Variants in TRAPPC4 observed in about 807,000 individuals in gnomAD.
The protein encoded by TRAPPC4 is trafficking protein particle complex subunit 4, also known as TRS23 homolog.
A neutral mutation model predicts 23.5 loss-of-function variants in TRAPPC4; 30 were observed. The observed-to-expected ratio is 1.28, with a 90% confidence interval of 0.96 to 1.73. The LOEUF (loss-of-function observed/expected upper bound fraction) is 1.73, where lower values mean the gene tolerates loss of function less well. Ranked by LOEUF, TRAPPC4 falls within the 40% of genes most tolerant of loss-of-function variation. TRAPPC4 has a pLI of 0.00. For missense variants in TRAPPC4, 252 were observed against 268.9 expected (o/e 0.94, Z 0.44); for synonymous variants, 129 against 105.3 (o/e 1.23, Z -1.38).
intron 4 of TRAPPC4, among the ~76,000 whole-genome samples, chr11:119,022,657 A>AGGC (rs1468790851): frequency 1.3e-5 from 2 of 152,084 alleles, no homozygotes; most frequent in African/African-American, 4.8e-5. Context: ...TGGGAGGCTG[A>AGGC]GGCGGGCGGA....
In TRAPPC4 at chr11:119,018,937, T is replaced by C; in HGVS notation, c.142T>C (p.Leu48=). Residue 48 remains leucine (L), a synonymous_variant, in exon 1 of 5, where the codon TTG becomes CTG. Coordinates refer to ENST00000533632, the MANE Select transcript of TRAPPC4 (RefSeq NM_016146.6). Reference sequence around the variant, plus strand: ...GCTCAAGCTACACGATGAGCGTGTGTTGGTTGCTTTCGGCCAGCGGGACGG... The same window carrying C: ...GCTCAAGCTACACGATGAGCGTGTGCTGGTTGCTTTCGGCCAGCGGGACGG... ...LLLKLHDERV[L]VAFGQRDGIR... 8 of 1,613,370 alleles carry C rather than the reference T, an allele frequency of 5.0e-6. No homozygotes were observed. The highest frequency in any genetic ancestry group is 6.8e-6 in the Non-Finnish European group (8 of 1,179,990).
In TRAPPC4 at chr11:119,023,419, C is replaced by T. The variant is rs11290; in HGVS notation, c.*20C>T. On this transcript the variant is annotated 3_prime_UTR_variant, in exon 5 of 5. Transcript: ENST00000533632. Reference sequence around the variant, plus strand: ...TCATAGGCTGAACCTGTTATGGACCCCCAAATTCTGAGAGTTCCTGCAACA... The same window carrying T: ...TCATAGGCTGAACCTGTTATGGACCTCCAAATTCTGAGAGTTCCTGCAACA... The T allele has an allele frequency of 6.2e-7, 1 of 1,612,312 alleles. No individual in the cohort carries two copies. Among genetic ancestry groups the T allele is most frequent in the Non-Finnish European group, 8.5e-7 (1 of 1,178,560 alleles).
Position 119,020,256 on chromosome 11 carries a change from A to T in TRAPPC4, c.454+3A>T, listed in dbSNP as rs375776811. 2.5e-6 allele frequency: 4 copies of T among 1,609,704 alleles called. No homozygotes were observed. The highest frequency in any genetic ancestry group is 1.7e-5 in the Admixed American group (1 of 59,990). Reference sequence around the variant, plus strand: ...GCACTGCTACCAGACACTGACAGGTATGCATCTCCACGGAGGCCAGAGGAG... The same window carrying T: ...GCACTGCTACCAGACACTGACAGGTTTGCATCTCCACGGAGGCCAGAGGAG... On this transcript the variant is annotated splice_donor_region_variant and intron_variant, in intron 3 of 4. Coordinates refer to ENST00000533632, the MANE Select transcript of TRAPPC4 (RefSeq NM_016146.6).
chr11:119,021,502 C>G (rs1431289404), intron 3 of TRAPPC4: 1 of 327,208 alleles, frequency 3.1e-6, no homozygotes, highest in African/African-American at 2.1e-5. Context: ...TGAGGGACTC[C>G]AAAACTGTTA....
chr11:119,020,004 A>C (rs1943302004), intron 2 of TRAPPC4, 146 bp from the exon 3 acceptor site: 2 of 542,982 alleles, frequency 3.7e-6, no homozygotes, highest in East Asian at 5.9e-5. Flanking sequence ...TGAACTTAGA[A>C]ATTTTGACAC....
chr11:119,020,336 C>T lies in TRAPPC4; in HGVS notation c.454+83C>T. 2.6e-6 allele frequency: 3 copies of T among 1,156,962 alleles called. No individual in the cohort carries two copies. In the South Asian group the frequency reaches 3.8e-5, roughly 15 times the overall value. 71.7% of individuals were successfully genotyped at this position (1,156,962 alleles called of 1,614,324 possible). A position where few individuals can be genotyped will look rare whatever the true frequency, so the allele number is the denominator to read the frequency against. ...GATAAGTTTGCATCTCCAGGTGGGCCAGAGGAGTGTGGTGGAGAAGGTGGG... is the reference window on the plus strand; with the variant it reads ...GATAAGTTTGCATCTCCAGGTGGGCTAGAGGAGTGTGGTGGAGAAGGTGGG... On this transcript the variant is annotated intron_variant, in intron 3 of 4. Transcript: ENST00000533632.
Position 119,020,181 on chromosome 11 carries a change from G to C in TRAPPC4, c.382G>C (p.Glu128Gln). The C allele has an allele frequency of 6.2e-7, 1 of 1,613,946 alleles. No individual in the cohort carries two copies. The highest frequency in any genetic ancestry group is 8.5e-7 in the Non-Finnish European group (1 of 1,179,986). ...LFAIGSQLSP[E>Q]QGSSGIEMLE... ...TGCCATCGGCTCCCAGCTGTCTCCTGAACAGGGAAGCTCAGGCATTGAGAT... is the reference window on the plus strand; with the variant it reads ...TGCCATCGGCTCCCAGCTGTCTCCTCAACAGGGAAGCTCAGGCATTGAGAT... The change falls in exon 3 of 5, where the codon GAA becomes CAA. Residue 128 changes from glutamate (E) to glutamine (Q), a missense_variant. Glu to Gln is a conservative substitution (Grantham distance 29, BLOSUM62 2). Coordinates refer to ENST00000533632, the MANE Select transcript of TRAPPC4 (RefSeq NM_016146.6).
At chr11:119,019,382 C>T in intron 2 of TRAPPC4, 65 bp downstream of exon 2, 3 of 1,533,942 alleles carry the variant, frequency 2.0e-6, no homozygotes, top group African/African-American at 1.4e-5. Context: ...AATCGTCGTT[C>T]TGGTGTTATG....
rs1409059755 is a variant in TRAPPC4, at chr11:119,018,906, T to TCAG, written c.112_113insAGC (p.Asp37_Leu38insGln). ...AGAAAACTTTCAGTTATCCGCTGGA[T>TCAG]CTGCTGCTCAAGCTACACGATGAGC... On this transcript the variant is annotated inframe_insertion, in exon 1 of 5. Transcript: ENST00000533632. 6.2e-7 allele frequency: 1 copy of TCAG among 1,614,026 alleles called. No homozygotes were observed. The highest frequency in any genetic ancestry group is 1.7e-5 in the Admixed American group (1 of 60,024).
chr11:119,020,128 A>G (rs376657409), intron 2 of TRAPPC4, 22 bp from the exon 3 acceptor site: 28 of 1,595,738 alleles, frequency 1.8e-5, no homozygotes, highest in Non-Finnish European at 2.2e-5. Context: ...CCTTAGAGCA[A>G]CTTTGCCTCC....
chr11:119,023,434 T>A lies in TRAPPC4; in HGVS notation c.*35T>A. 1 of 1,600,736 alleles carries A rather than the reference T, an allele frequency of 6.2e-7. No individual in the cohort carries two copies. The highest frequency in any genetic ancestry group is 1.1e-5 in the South Asian group (1 of 90,796). ...GTTATGGACCCCCAAATTCTGAGAG[T>A]TCCTGCAACAAGAATACTGCTGTTG... On this transcript the variant is annotated 3_prime_UTR_variant, in exon 5 of 5. Transcript: ENST00000533632.
chr11:119,020,247 C>G lies in TRAPPC4; in HGVS notation c.448C>G (p.Leu150Val). Reference sequence around the variant, plus strand: ...ATTCAAATTGCACTGCTACCAGACACTGACAGGTATGCATCTCCACGGAGG... The same window carrying G: ...ATTCAAATTGCACTGCTACCAGACAGTGACAGGTATGCATCTCCACGGAGG... The part of the protein sequence containing the change: ...DTFKLHCYQT[L>V]TGIKFVVLAD... Residue 150 changes from leucine (L) to valine (V), a missense_variant, in exon 3 of 5, where the codon CTG becomes GTG. Around this residue, in one of 3 missense-constraint regions of TRAPPC4, gnomAD observed 222 missense variants for 217.8 expected, o/e 1.02. Coordinates refer to ENST00000533632, the MANE Select transcript of TRAPPC4 (RefSeq NM_016146.6). 6.2e-7 allele frequency: 1 copy of G among 1,610,940 alleles called. No individual in the cohort carries two copies. Among genetic ancestry groups the G allele is most frequent in the South Asian group, 1.1e-5 (1 of 91,022 alleles).
chr11:119,020,395 C>A, intron 3 of TRAPPC4, 142 bp downstream of exon 3: 1 of 616,176 alleles, frequency 1.6e-6, no homozygotes, highest in Non-Finnish European at 2.9e-6. Context: ...CTTTGGTAAG[C>A]AAGAAGAGGG....
intron 4 of TRAPPC4, 121 bp downstream of exon 4, chr11:119,022,007 G>A (rs557270772): frequency 1.5e-5 from 19 of 1,299,622 alleles, no homozygotes; most frequent in Middle Eastern, 1.9e-4. Context: ...TTTTTGAGAC[G>A]GAGTTTCGCT....
chr11:119,019,549 C>G (rs1442807473), intron 2 of TRAPPC4: 14 of 494,474 alleles, frequency 2.8e-5, no homozygotes, highest in Non-Finnish European at 4.3e-5. Context: ...TCAAGCGATT[C>G]TCCTGCCTCA....
chr11:119,019,062 A>T, intron 1 of TRAPPC4, 81 bp from the exon 2 acceptor site: 1 of 1,590,646 alleles, frequency 6.3e-7, no homozygotes, highest in Non-Finnish European at 8.6e-7. Flanking sequence ...GTTGGGGGAA[A>T]AGGGGTTGTG....
At position 119,023,408 on chromosome 11, in the gene TRAPPC4, T is replaced by C; in HGVS notation, c.*9T>C. On this transcript the variant is annotated 3_prime_UTR_variant, in exon 5 of 5. Transcript: ENST00000533632. ...TTGGACCTGGGTCATAGGCTGAACC[T>C]GTTATGGACCCCCAAATTCTGAGAG... The C allele has an allele frequency of 6.2e-7, 1 of 1,613,546 alleles. No homozygotes were observed. The highest frequency in any genetic ancestry group is 8.5e-7 in the Non-Finnish European group (1 of 1,179,512).
At position 119,023,531 on chromosome 11, in the gene TRAPPC4, G is replaced by A; in HGVS notation, c.*132G>A. ...GGGAGAATGCTGACCCTGATGACTT[G>A]TACTGATTCCTGAGCCTTAACACTG... On this transcript the variant is annotated 3_prime_UTR_variant, in exon 5 of 5. Transcript: ENST00000533632. The A allele has an allele frequency of 1.3e-6, 1 of 793,120 alleles. No individual in the cohort carries two copies. The highest frequency in any genetic ancestry group is 2.1e-6 in the Non-Finnish European group (1 of 466,190). The allele number at this position is 793,120 out of a possible 1,614,324, so 49.1% of individuals were successfully genotyped here. A position where few individuals can be genotyped will look rare whatever the true frequency, so the allele number is the denominator to read the frequency against.
At chr11:119,019,363 C>CT (rs782299814) in intron 2 of TRAPPC4, 46 bp downstream of exon 2, 2 of 1,577,498 alleles carry the variant, frequency 1.3e-6, no homozygotes, top group Non-Finnish European at 1.7e-6. Flanking sequence ...ATTTGTCTAC[C>CT]TTTTCTTAAA....
Sources: allele counts gnomAD v4.1 joint callset (sites outside exome capture counted in the v4.1 genomes callset), GRCh38; gene constraint gnomAD v4.1.1; regional missense constraint gnomAD v4.1.1; transcripts MANE v1.5; gene names NCBI Gene and HGNC (gene_info 2026-07-23, HGNC 2026-07-21).